The following MARK3 variants were observed in gnomAD, a reference collection of about 807,000 sequenced individuals.
The protein encoded by MARK3 is microtubule affinity regulating kinase 3.
A neutral mutation model predicts 90.1 loss-of-function variants in MARK3; 46 were observed. The ratio of observed to expected loss-of-function variants is 0.51; its 90% CI spans 0.40 to 0.65. The LOEUF is 0.65. MARK3 is among the 30% of genes least tolerant of loss of function. MARK3 has a pLI of 0.00. For synonymous variants in MARK3, 321 were observed against 332.6 expected (o/e 0.97, Z 0.38); for missense variants, 818 against 947.2 (o/e 0.86, Z 1.79).
chr14:103,391,842 G>C (rs1157156962), intron 1 of MARK3, among the ~76,000 whole-genome samples: 1 of 151,434 alleles, frequency 6.6e-6, no homozygotes, highest in Non-Finnish European at 1.5e-5. Flanking sequence ...ACAGGCGTGA[G>C]CCACTGTACC....
rs71126015 is a variant in MARK3 at position 103,406,394 on chromosome 14, AT to A, written c.243+1141del. The stretch of plus-strand genomic sequence containing the variant: ...CGCACACCACCACGCCTGGCTAATT[AT>A]TTTTTTTTTTTTTGTATTTTTAGTA... On this transcript the variant is annotated intron_variant, in intron 2 of 17. Coordinates refer to ENST00000429436, the MANE Select transcript of MARK3 (RefSeq NM_001128918.3). Among the ~76,000 whole-genome samples, 175 of 141,120 alleles carry A rather than the reference AT, an allele frequency of 1.2e-3. 4 individuals carry two copies. In the East Asian group the frequency reaches 0.019, roughly 16 times the overall value. The allele number at this position is 141,120 out of a possible 152,430, so 92.6% of individuals were successfully genotyped here.
At chr14:103,406,394 ATT>A (rs71126015) in intron 2 of MARK3, among the ~76,000 whole-genome samples, 3 of 141,160 alleles carry the variant, frequency 2.1e-5, no homozygotes, top group Admixed American at 7.0e-5. Flanking sequence ...CTGGCTAATT[ATT>A]TTTTTTTTTT....
intron 6 of MARK3, among the ~76,000 whole-genome samples, chr14:103,460,393 C>CT (rs1188039731): frequency 3.3e-5 from 5 of 152,136 alleles, no homozygotes; most frequent in African/African-American, 1.2e-4. Flanking sequence ...ACAGCTCCAT[C>CT]TTTTTTACTT....
intron 1 of MARK3, among the ~76,000 whole-genome samples, chr14:103,391,413 A>G (rs888122594): frequency 2.6e-5 from 4 of 152,158 alleles, no homozygotes; most frequent in Admixed American, 1.3e-4. Flanking sequence ...AAAAAGCAAT[A>G]CTTTTATCAT....
At chr14:103,395,805 C>G (rs1265522419) in intron 1 of MARK3, among the ~76,000 whole-genome samples, 1 of 152,136 alleles carries the variant, frequency 6.6e-6, no homozygotes, top group Non-Finnish European at 1.5e-5. Context: ...ATCTGACACT[C>G]CGATTTGGAG....
chr14:103,469,456 ACAGGTGTGAGC>A (rs2093583540), intron 12 of MARK3, among the ~76,000 whole-genome samples: 1 of 151,926 alleles, frequency 6.6e-6, no homozygotes, highest in South Asian at 2.1e-4. Flanking sequence ...TGATGGGATT[ACAGGTGTGAGC>A]CACCGCGCCT....
intron 1 of MARK3, among the ~76,000 whole-genome samples, chr14:103,391,861 A>G (rs1337059562): frequency 6.6e-6 from 1 of 151,964 alleles, no homozygotes; most frequent in Non-Finnish European, 1.5e-5. Context: ...CCTGGTCAAA[A>G]TATGCTTTTT....
chr14:103,408,469 G>T (rs141012326), intron 2 of MARK3, among the ~76,000 whole-genome samples: 1 of 152,176 alleles, frequency 6.6e-6, no homozygotes, highest in African/African-American at 2.4e-5. Context: ...GATTACAGGC[G>T]TGAGCCACCA....
At chr14:103,393,637 A>G (rs1196671620) in intron 1 of MARK3, among the ~76,000 whole-genome samples, 1 of 152,230 alleles carries the variant, frequency 6.6e-6, no homozygotes, top group African/African-American at 2.4e-5. Flanking sequence ...TGATATATAC[A>G]TTGTATAACT....
rs71126026 is a variant in MARK3, at chr14:103,452,471, C to CTTTTTTTTTTTTTTTTTTTTTTTTTTT, written c.412+506_412+507insTTTTTTTTTTTTTTTTTTTTTTTTTTT. ...ACAAGTGGAATTTTACAGGATTTGT[C>CTTTTTTTTTTTTTTTTTTTTTTTTTTT]TTTTTTTTTTTTTTTTTTGAGACGG... On this transcript the variant is annotated intron_variant, in intron 5 of 17. Transcript: ENST00000429436. 2.8e-4 allele frequency among the ~76,000 whole-genome samples: 27 copies of CTTTTTTTTTTTTTTTTTTTTTTTTTTT among 97,470 alleles called. 8 individuals are homozygous for CTTTTTTTTTTTTTTTTTTTTTTTTTTT. Among genetic ancestry groups the CTTTTTTTTTTTTTTTTTTTTTTTTTTT allele is most frequent in the Non-Finnish European group, 4.7e-4 (21 of 44,454 alleles). 63.9% of individuals were successfully genotyped at this position (97,470 alleles called of 152,430 possible). A position where few individuals can be genotyped will look rare whatever the true frequency, so the allele number is the denominator to read the frequency against.
At chr14:103,497,891 ACTT>A (rs1260402047) in intron 15 of MARK3, among the ~76,000 whole-genome samples, 1 of 152,170 alleles carries the variant, frequency 6.6e-6, no homozygotes, top group East Asian at 1.9e-4. Flanking sequence ...ATGTCTTGTC[ACTT>A]CTTTAACATA....
rs550777314 is a variant in MARK3, at chr14:103,478,562, G to A, written c.1483-1825G>A. Among the ~76,000 whole-genome samples, 21 of 126,274 alleles carry A rather than the reference G, an allele frequency of 1.7e-4. No individual in the cohort carries two copies. The South Asian group carries it at 3.2e-3, about 19-fold the overall frequency. 82.8% of individuals were successfully genotyped at this position (126,274 alleles called of 152,430 possible). ...TTTTCTTTTCCCTTTTTTTTTTTTT[G>A]AGATGGCATTTCGCTCCTGTTGCCC... On this transcript the variant is annotated intron_variant, in intron 13 of 17. Coordinates refer to ENST00000429436, the MANE Select transcript of MARK3 (RefSeq NM_001128918.3).
At chr14:103,421,486 G>A (rs1010964554) in intron 2 of MARK3, among the ~76,000 whole-genome samples, 1 of 152,178 alleles carries the variant, frequency 6.6e-6, no homozygotes, top group Non-Finnish European at 1.5e-5. Flanking sequence ...GTCTTCAAGA[G>A]TGGAGCCCTA....
chr14:103,448,990 T>C (rs375742075), intron 4 of MARK3, 23 bp downstream of exon 4: 1 of 1,559,612 alleles, frequency 6.4e-7, no homozygotes, highest in African/African-American at 1.4e-5. Flanking sequence ...TTTTTAAATA[T>C]TTTGGGGTCT....
chr14:103,443,426 A>T (rs1345502985), intron 3 of MARK3, among the ~76,000 whole-genome samples: 1 of 152,244 alleles, frequency 6.6e-6, no homozygotes. Flanking sequence ...CCATTCTAAA[A>T]TTGGGAATTA....
intron 2 of MARK3, among the ~76,000 whole-genome samples, chr14:103,411,454 C>T (rs1001349917): frequency 5.9e-5 from 9 of 152,074 alleles, no homozygotes; most frequent in Admixed American, 5.2e-4. Flanking sequence ...CAGTTCTCTC[C>T]CAACAATTGA....
chr14:103,446,833 G>A (rs568589846), intron 3 of MARK3, among the ~76,000 whole-genome samples: 1 of 147,764 alleles, frequency 6.8e-6, no homozygotes, highest in African/African-American at 2.5e-5. Flanking sequence ...CAGTTGGGAA[G>A]TAATTGGGAG....
At chr14:103,468,302 T>G (rs571932036) in intron 12 of MARK3, 116 bp downstream of exon 12, 73 of 624,520 alleles carry the variant, frequency 1.2e-4, no homozygotes, top group Middle Eastern at 4.2e-4. Flanking sequence ...GGCATTGCTT[T>G]CTTTCTTTCT....
At chr14:103,443,793 T>G (rs2092923380) in intron 3 of MARK3, among the ~76,000 whole-genome samples, 1 of 152,168 alleles carries the variant, frequency 6.6e-6, no homozygotes, top group Admixed American at 6.5e-5. Flanking sequence ...ACAAATGCAT[T>G]TTCTTGAAAA....
Sources: allele counts gnomAD v4.1 joint callset (sites outside exome capture counted in the v4.1 genomes callset), GRCh38; gene constraint gnomAD v4.1.1; transcripts MANE v1.5; gene names NCBI Gene and HGNC (gene_info 2026-07-23, HGNC 2026-07-21).